ZNF280C: variants seen among roughly 807,000 people sequenced by gnomAD.
The protein encoded by ZNF280C is zinc finger protein 280C, also known as suppressor of hairy wing homolog 3.
ZNF280C carries 14 observed loss-of-function variants against 53.6 expected under a neutral mutation model. The observed-to-expected ratio is 0.26, with a 90% CI of 0.17 to 0.41. The LOEUF is 0.41. Among genes scored for constraint, ZNF280C ranks in the 10% least tolerant of loss-of-function variants. The probability of loss-of-function intolerance (pLI) is 1.00; values close to 1 mark genes in which losing one functional copy is unlikely to be tolerated. For synonymous variants in ZNF280C, 203 were observed against 181.1 expected, an observed-to-expected ratio of 1.12 and a Z score of -0.97; for missense variants, 416 against 547.1, an observed-to-expected ratio of 0.76 and a Z score of 2.39.
At chrX:130,224,786 A>G (rs755309617) in intron 12 of ZNF280C, among the ~76,000 whole-genome samples, 4 of 111,393 alleles carry the variant, frequency 3.6e-5, no homozygotes, top group African/African-American at 9.8e-5. Flanking sequence ...AAGCCACCAA[A>G]TTTTCAGACG....
intron 2 of ZNF280C, among the ~76,000 whole-genome samples, chrX:130,255,599 C>G (rs1212375547): frequency 3.6e-5 from 4 of 111,519 alleles, no homozygotes; most frequent in African/African-American, 1.3e-4. Context: ...CCACTAACAG[C>G]CAGCACAATG....
At chrX:130,234,184 G>A (rs2032307897) in intron 8 of ZNF280C, among the ~76,000 whole-genome samples, 1 of 111,865 alleles carries the variant, frequency 8.9e-6, no homozygotes, top group Non-Finnish European at 1.9e-5. Context: ...AAGTGATTTG[G>A]GAGGGTTGAA....
intron 1 of ZNF280C, among the ~76,000 whole-genome samples, chrX:130,267,940 G>A (rs1420227597): frequency 1.8e-5 from 2 of 111,840 alleles, no homozygotes; most frequent in Non-Finnish European, 1.9e-5. Context: ...CCTGGATGAA[G>A]GTCTCCCGTG....
Position 130,220,331 on chromosome X carries a change from A to C in ZNF280C, c.1527+18T>G. ...TAGAATGTGCAAAAAACCACCAAAA[A>C]CTCCCTCACAAACTCACTTTTGCTC... On this transcript the variant is annotated intron_variant, in intron 13 of 18. Coordinates refer to ENST00000370978, the MANE Select transcript of ZNF280C (RefSeq NM_017666.5). 1 of 1,103,964 alleles carries C rather than the reference A, an allele frequency of 9.1e-7. No homozygotes were observed. Among genetic ancestry groups the C allele is most frequent in the East Asian group, 3.2e-5 (1 of 31,141 alleles). The allele number at this position is 1,103,964 out of a possible 1,213,427, so 91.0% of individuals were successfully genotyped here.
At chrX:130,215,482 G>C in intron 14 of ZNF280C, 149 bp from the exon 15 acceptor site, 1 of 564,807 alleles carries the variant, frequency 1.8e-6, no homozygotes, top group Non-Finnish European at 2.6e-6. Context: ...TTTGAAACAA[G>C]CTAGAGTAAG....
chrX:130,219,530 G>A (rs113590104), intron 13 of ZNF280C, among the ~76,000 whole-genome samples: 617 of 98,809 alleles, frequency 6.2e-3, no homozygotes, highest in Middle Eastern at 0.021. Flanking sequence ...GAAAACATAT[G>A]TATATAAGGC....
chrX:130,265,743 C>T lies in ZNF280C; in HGVS notation c.-17+3019G>A, dbSNP rs752508933. On this transcript the variant is annotated intron_variant, in intron 1 of 18. Coordinates refer to ENST00000370978, the MANE Select transcript of ZNF280C (RefSeq NM_017666.5). ...GTAAAACGAAAACAGTAATACCTTC[C>T]TTGCAGCACTACTGTGAACATTAAA... 8.0e-5 allele frequency among the ~76,000 whole-genome samples: 9 copies of T among 112,288 alleles called. No individual in the cohort carries two copies. In the South Asian group the frequency reaches 1.5e-3, roughly 18 times the overall value.
chrX:130,264,901 T>C (rs765458546), intron 1 of ZNF280C, among the ~76,000 whole-genome samples: 2 of 111,768 alleles, frequency 1.8e-5, no homozygotes, highest in Admixed American at 1.9e-4. Context: ...AGAATTGGTA[T>C]AGTACGCAAA....
chrX:130,244,799 A>G (rs896040095), intron 3 of ZNF280C, among the ~76,000 whole-genome samples: 13 of 45,350 alleles, frequency 2.9e-4, no homozygotes, highest in East Asian at 5.0e-4. Flanking sequence ...AAAAAAAAAA[A>G]AGAGAGAAAA....
intron 10 of ZNF280C, among the ~76,000 whole-genome samples, chrX:130,228,305 TG>T (rs1405605774): frequency 8.9e-6 from 1 of 112,220 alleles, no homozygotes; most frequent in East Asian, 2.8e-4. Context: ...TTTTTTGAGA[TG>T]GAGTCTCGCT....
intron 13 of ZNF280C, among the ~76,000 whole-genome samples, chrX:130,217,133 G>A (rs1032843696): frequency 6.2e-5 from 7 of 112,066 alleles, no homozygotes; most frequent in Non-Finnish European, 9.4e-5. Flanking sequence ...GAAAACATAC[G>A]TTCACACAAA....
At chrX:130,218,853 G>A (rs1159577310) in intron 13 of ZNF280C, among the ~76,000 whole-genome samples, 1 of 111,223 alleles carries the variant, frequency 9.0e-6, no homozygotes, top group Non-Finnish European at 1.9e-5. Context: ...TAATTCTAAA[G>A]TGCTATAAGA....
intron 15 of ZNF280C, among the ~76,000 whole-genome samples, chrX:130,212,454 A>AAT (rs1485072787): frequency 9.0e-6 from 1 of 111,596 alleles, no homozygotes; most frequent in African/African-American, 3.3e-5. Context: ...GTAACAGTTT[A>AAT]ACAGACAGAA....
At chrX:130,226,718 C>A (rs774265114) in intron 12 of ZNF280C, 41 bp downstream of exon 12, 6 of 1,171,614 alleles carry the variant, frequency 5.1e-6, no homozygotes, top group Non-Finnish European at 6.9e-6. Context: ...TATATCTTTT[C>A]ACTAAGACAA....
intron 15 of ZNF280C, among the ~76,000 whole-genome samples, chrX:130,214,602 T>G (rs2032079509): frequency 9.0e-6 from 1 of 111,236 alleles, no homozygotes; most frequent in South Asian, 3.8e-4. Context: ...GAGACTCAAG[T>G]CTCTGATATA....
intron 12 of ZNF280C, among the ~76,000 whole-genome samples, chrX:130,223,018 T>C (rs181345786): frequency 1.8e-5 from 2 of 111,501 alleles, no homozygotes; most frequent in African/African-American, 6.5e-5. Context: ...AAGTTAAGTG[T>C]TGAACTTCTT....
chrX:130,235,945 T>A (rs1157954529), intron 8 of ZNF280C, among the ~76,000 whole-genome samples: 1 of 112,120 alleles, frequency 8.9e-6, no homozygotes, highest in Non-Finnish European at 1.9e-5. Context: ...AACGTCCATT[T>A]GTCTTTCTAT....
chrX:130,234,963 T>C (rs2032316030), intron 8 of ZNF280C, among the ~76,000 whole-genome samples: 1 of 111,518 alleles, frequency 9.0e-6, no homozygotes, highest in South Asian at 3.7e-4. Context: ...TTTCTGAGTG[T>C]TGAAAATTAA....
chrX:130,255,507 A>G (rs1313930959), intron 2 of ZNF280C, among the ~76,000 whole-genome samples: 1 of 111,076 alleles, frequency 9.0e-6, no homozygotes, highest in Non-Finnish European at 1.9e-5. Flanking sequence ...AAGAGAGAGA[A>G]AAAGGAGAGG....
Sources: gnomAD v4.1 joint callset for allele counts (sites outside exome capture counted in the v4.1 genomes callset) on GRCh38, gnomAD v4.1.1 for gene constraint, MANE v1.5 for transcripts, NCBI Gene and HGNC (gene_info 2026-07-23, HGNC 2026-07-21) for gene names.